Variants in SOX6 observed in about 807,000 individuals in gnomAD.
SOX6 encodes transcription factor SOX-6.
Under a neutral mutation model 97.8 loss-of-function variants are expected in SOX6, and 11 were observed. The ratio of observed to expected loss-of-function variants is 0.11; its 90% CI spans 0.07 to 0.19. The LOEUF is 0.19. SOX6 is among the 10% of genes least tolerant of loss of function. The pLI is 1.00. For missense variants in SOX6, 810 were observed against 1,039.5 expected, an observed-to-expected ratio of 0.78 and a Z score of 3.04; for synonymous variants, 360 against 371.4, an observed-to-expected ratio of 0.97 and a Z score of 0.35.
chr11:16,039,425 T>A (rs977670034), intron 12 of SOX6, among the ~76,000 whole-genome samples: 2 of 152,104 alleles, frequency 1.3e-5, no homozygotes, highest in African/African-American at 4.8e-5. Flanking sequence ...TATTACATGA[T>A]CTAGAATAGC....
intron 6 of SOX6, among the ~76,000 whole-genome samples, chr11:16,158,963 C>T (rs141674369): frequency 7.9e-5 from 12 of 151,906 alleles, no homozygotes; most frequent in African/African-American, 2.4e-4. Context: ...TCCAAGATCA[C>T]ATGCCAAATA....
chr11:16,124,344 T>C (rs985944625), intron 6 of SOX6, among the ~76,000 whole-genome samples: 2 of 152,098 alleles, frequency 1.3e-5, no homozygotes, highest in Admixed American at 1.3e-4. Context: ...TGTATGTACA[T>C]GTGTGTATAC....
At chr11:16,619,852 T>A (rs1334439243) in intron 3 of SOX6, among the ~76,000 whole-genome samples, 3 of 152,148 alleles carry the variant, frequency 2.0e-5, no homozygotes, top group Non-Finnish European at 4.4e-5. Flanking sequence ...GGGCATTTAT[T>A]TATGTGGATA....
chr11:15,984,059 A>C (rs1244991734), intron 15 of SOX6, among the ~76,000 whole-genome samples: 2 of 152,168 alleles, frequency 1.3e-5, no homozygotes, highest in Non-Finnish European at 2.9e-5. Flanking sequence ...TTTGCTCTTT[A>C]TCACCTTTCT....
At chr11:16,053,778 A>G (rs1847744930) in intron 10 of SOX6, among the ~76,000 whole-genome samples, 1 of 152,186 alleles carries the variant, frequency 6.6e-6, no homozygotes, top group Non-Finnish European at 1.5e-5. Context: ...TGAATTTAAT[A>G]TAAGTAGTCA....
intron 3 of SOX6, among the ~76,000 whole-genome samples, chr11:16,278,854 A>G (rs2134239676): frequency 6.6e-6 from 1 of 152,164 alleles, no homozygotes; most frequent in African/African-American, 2.4e-5. Context: ...GGGCTTCAAA[A>G]ACAGAAACCC....
intron 6 of SOX6, among the ~76,000 whole-genome samples, chr11:16,114,180 C>T (rs1849289918): frequency 6.6e-6 from 1 of 152,126 alleles, no homozygotes; most frequent in East Asian, 1.9e-4. Flanking sequence ...TAAAAGTCAA[C>T]ATTAATACGA....
chr11:16,710,623 T>C (rs1848171435), intron 3 of SOX6, among the ~76,000 whole-genome samples: 1 of 151,968 alleles, frequency 6.6e-6, no homozygotes, highest in East Asian at 1.9e-4. Context: ...TTGAACTACC[T>C]CTTTTATCTG....
At chr11:16,679,701 A>C (rs1018430419) in intron 3 of SOX6, among the ~76,000 whole-genome samples, 2 of 152,200 alleles carry the variant, frequency 1.3e-5, no homozygotes, top group Admixed American at 6.5e-5. Context: ...ACCCATCACA[A>C]GGAAGTTAAA....
chr11:16,734,763 A>C (rs1590069326), intron 2 of SOX6, among the ~76,000 whole-genome samples: 1 of 152,188 alleles, frequency 6.6e-6, no homozygotes, highest in Non-Finnish European at 1.5e-5. Context: ...ATATCTATTG[A>C]GTGATAGTTT....
At chr11:16,212,137 A>G (rs1852249253) in intron 4 of SOX6, among the ~76,000 whole-genome samples, 1 of 152,198 alleles carries the variant, frequency 6.6e-6, no homozygotes, top group African/African-American at 2.4e-5. Context: ...GTAAACAGAT[A>G]TGAGGCCTAG....
intron 3 of SOX6, among the ~76,000 whole-genome samples, chr11:16,619,937 T>A (rs1458289337): frequency 1.3e-5 from 2 of 152,144 alleles, no homozygotes; most frequent in Non-Finnish European, 2.9e-5. Context: ...GTAAAACATA[T>A]TGATGTATTT....
At chr11:16,172,363 G>A (rs1589994949) in intron 6 of SOX6, among the ~76,000 whole-genome samples, 2 of 152,182 alleles carry the variant, frequency 1.3e-5, no homozygotes, top group East Asian at 3.9e-4. Context: ...AATGTCAGGA[G>A]TTTGTCACTG....
chr11:16,386,441 C>CA (rs1170859186), intron 1 of SOX6, among the ~76,000 whole-genome samples: 1 of 152,022 alleles, frequency 6.6e-6, no homozygotes, highest in Non-Finnish European at 1.5e-5. Context: ...CCATAACCTA[C>CA]AAGATACAGA....
intron 3 of SOX6, among the ~76,000 whole-genome samples, chr11:16,253,511 T>G (rs1256509963): frequency 6.6e-6 from 1 of 152,092 alleles, no homozygotes; most frequent in Non-Finnish European, 1.5e-5. Flanking sequence ...GTGCATAATG[T>G]GAGCAGAGAG....
At chr11:16,326,884 C>T (rs10128558) in intron 2 of SOX6, among the ~76,000 whole-genome samples, 1 of 152,082 alleles carries the variant, frequency 6.6e-6, no homozygotes, top group Admixed American at 6.6e-5. Flanking sequence ...AGATAAGGTA[C>T]TTGGGCTGGG....
At chr11:16,055,659 T>A in intron 10 of SOX6, 93 bp downstream of exon 10, 1 of 1,502,552 alleles carries the variant, frequency 6.7e-7, no homozygotes. Flanking sequence ...TTGCTATGTT[T>A]CCTGCTGTTT....
intron 2 of SOX6, among the ~76,000 whole-genome samples, chr11:16,325,400 T>C (rs1856056648): frequency 6.6e-6 from 1 of 152,176 alleles, no homozygotes; most frequent in South Asian, 2.1e-4. Context: ...GTAAGACTGT[T>C]GGTAATTTTC....
chr11:16,034,473 G>T (rs1201719941), intron 12 of SOX6, among the ~76,000 whole-genome samples: 4 of 152,178 alleles, frequency 2.6e-5, no homozygotes, highest in Non-Finnish European at 5.9e-5. Flanking sequence ...TTAGCTAAAA[G>T]TAAACTTCTG....
Sources: allele counts gnomAD v4.1 joint callset (sites outside exome capture counted in the v4.1 genomes callset), GRCh38; gene constraint gnomAD v4.1.1; transcripts MANE v1.5; gene names NCBI Gene and HGNC (gene_info 2026-07-23, HGNC 2026-07-21).